The following TAF4B variants were observed in gnomAD, a reference collection of about 807,000 sequenced individuals.
The protein encoded by TAF4B is transcription initiation factor TFIID subunit 4B.
Under a neutral mutation model 86.4 loss-of-function variants are expected in TAF4B, and 38 were observed. The ratio of observed to expected loss-of-function variants is 0.44; its 90% confidence interval spans 0.34 to 0.58. TAF4B has a LOEUF of 0.58. Among genes scored for constraint, TAF4B ranks in the 20% least tolerant of loss-of-function variants. The pLI is 0.02. For synonymous variants in TAF4B, 388 were observed against 391.2 expected (o/e 0.99, Z 0.10); for missense variants, 988 against 1,027.6 (o/e 0.96, Z 0.53).
intron 5 of TAF4B, among the ~76,000 whole-genome samples, chr18:26,275,962 G>C (rs942267248): frequency 1.4e-4 from 21 of 148,572 alleles, no homozygotes; most frequent in African/African-American, 5.0e-4. Flanking sequence ...GTTACAGTAA[G>C]CTGAGATTGC....
chr18:26,268,313 T>G (rs2040283307), intron 3 of TAF4B, among the ~76,000 whole-genome samples: 1 of 152,226 alleles, frequency 6.6e-6, no homozygotes, highest in African/African-American at 2.4e-5. Context: ...TGTTCTGGGA[T>G]TCTCATGGTT....
intron 11 of TAF4B, among the ~76,000 whole-genome samples, chr18:26,323,319 A>G (rs2056977597): frequency 6.6e-6 from 1 of 151,900 alleles, no homozygotes. Context: ...CAGTATTAAA[A>G]TCTTCAACTA....
chr18:26,340,385 G>A (rs747633488), intron 13 of TAF4B, among the ~76,000 whole-genome samples: 1 of 152,174 alleles, frequency 6.6e-6, no homozygotes, highest in African/African-American at 2.4e-5. Context: ...AACTCATGGA[G>A]TACTGGACAG....
At chr18:26,236,755 C>T (rs1040576868) in intron 1 of TAF4B, among the ~76,000 whole-genome samples, 7 of 152,174 alleles carry the variant, frequency 4.6e-5, no homozygotes, top group South Asian at 4.1e-4. Flanking sequence ...TTTTCCTTTT[C>T]GTCCTGTTCC....
At chr18:26,235,427 A>T (rs1382407541) in intron 1 of TAF4B, among the ~76,000 whole-genome samples, 1 of 152,210 alleles carries the variant, frequency 6.6e-6, no homozygotes, top group Admixed American at 6.5e-5. Flanking sequence ...TTGACTTGTT[A>T]TAGGCAGAGC....
At chr18:26,292,782 C>T (rs1359434848) in intron 8 of TAF4B, among the ~76,000 whole-genome samples, 1 of 152,180 alleles carries the variant, frequency 6.6e-6, no homozygotes, top group African/African-American at 2.4e-5. Context: ...CCACCTTGGC[C>T]TCCCAAAGTG....
At chr18:26,256,278 C>G in intron 1 of TAF4B, 1 of 1,481,128 alleles carries the variant, frequency 6.8e-7, no homozygotes, top group South Asian at 1.1e-5. Flanking sequence ...GTCAGTGAAT[C>G]GAGAACTAGA....
intron 7 of TAF4B, among the ~76,000 whole-genome samples, chr18:26,288,078 T>C (rs1372705403): frequency 1.3e-5 from 2 of 152,218 alleles, no homozygotes; most frequent in Non-Finnish European, 2.9e-5. Context: ...ACCACTGGAA[T>C]AGAGGAATTG....
chr18:26,293,562 A>C, intron 9 of TAF4B, 31 bp downstream of exon 9: 1 of 1,451,996 alleles, frequency 6.9e-7, no homozygotes, highest in Non-Finnish European at 9.3e-7. Flanking sequence ...ATTTGGTTTA[A>C]GGAAGTAATT....
rs551888808 is a variant in TAF4B, at chr18:26,337,424, C to CTTT, written c.2316+2208_2316+2210dup. Reference sequence around the variant, plus strand: ...TCTTTTTTCTTTTCTTTCTTTCTTTCTTTTTTTTTTTTTTTTTGAGATGGA... The same window carrying CTTT: ...TCTTTTTTCTTTTCTTTCTTTCTTTCTTTTTTTTTTTTTTTTTTTTGAGATGGA... On this transcript the variant is annotated intron_variant, in intron 13 of 14. Transcript: ENST00000269142. 2.9e-4 allele frequency among the ~76,000 whole-genome samples: 37 copies of CTTT among 126,132 alleles called. 1 individual carries two copies. The highest frequency in any genetic ancestry group is 7.9e-4 in the South Asian group (3 of 3,798). The allele number at this position is 126,132 out of a possible 152,430, so 82.7% of individuals were successfully genotyped here. A position where few individuals can be genotyped will look rare whatever the true frequency, so the allele number is the denominator to read the frequency against.
chr18:26,346,319 TC>T (rs527261462), intron 13 of TAF4B, among the ~76,000 whole-genome samples: 38 of 67,446 alleles, frequency 5.6e-4, no homozygotes, highest in African/African-American at 2.1e-3. Flanking sequence ...AGACCCCCCC[TC>T]CCCCCAAAAA....
At chr18:26,367,175 G>A (rs6508440) in intron 14 of TAF4B, among the ~76,000 whole-genome samples, 63,132 of 152,058 alleles carry the variant, frequency 0.42, 13,918 homozygotes, top group African/African-American at 0.53. Context: ...GTACATGTAT[G>A]TACAGGGATA....
At chr18:26,264,630 A>C (rs190151074) in intron 1 of TAF4B, among the ~76,000 whole-genome samples, 1 of 152,148 alleles carries the variant, frequency 6.6e-6, no homozygotes, top group African/African-American at 2.4e-5. Flanking sequence ...AGTAAGACCT[A>C]ATTGCTGTCT....
Position 26,282,006 on chromosome 18 carries a change from A to C in TAF4B, c.918A>C (p.Lys306Asn). 6.2e-7 allele frequency: 1 copy of C among 1,613,512 alleles called. No homozygotes were observed. The highest frequency in any genetic ancestry group is 8.5e-7 in the Non-Finnish European group (1 of 1,179,754). The change falls in exon 6 of 15, where the codon AAA (lysine) becomes AAC (asparagine). Residue 306 changes from lysine to asparagine, a missense_variant. Lys to Asn is a moderately conservative substitution (Grantham distance 94). This residue lies in a region of TAF4B where 747 missense variants were observed against 737.9 expected (regional missense o/e 1.01). Transcript: ENST00000269142. ...TCGAAGCAGAAGAATTTACTAGGAAACTGTATGTTGAACTCAAGTCTTCAC... is the reference window on the plus strand; with the variant it reads ...TCGAAGCAGAAGAATTTACTAGGAACCTGTATGTTGAACTCAAGTCTTCAC... ...AKIEAEEFTR[K>N]LYVELKSSPQ...
At chr18:26,315,477 T>C in intron 10 of TAF4B, 79 bp downstream of exon 10, 1 of 1,161,244 alleles carries the variant, frequency 8.6e-7, no homozygotes, top group Non-Finnish European at 1.2e-6. Context: ...ACAACCTGGG[T>C]TGGTTGTCCT....
intron 1 of TAF4B, chr18:26,255,563 C>G (rs1287586351): frequency 6.9e-6 from 4 of 582,334 alleles, no homozygotes; most frequent in Non-Finnish European, 8.8e-6. Context: ...GATCACGCCA[C>G]TGCACTCCAG....
intron 14 of TAF4B, among the ~76,000 whole-genome samples, chr18:26,365,002 C>CTT (rs1236686001): frequency 0.016 from 1,744 of 109,170 alleles, 41 homozygotes; most frequent in Middle Eastern, 0.024. Context: ...TAATTCTATT[C>CTT]TTTTTTTTTT....
chr18:26,390,211 A>G lies in TAF4B; in HGVS notation c.*199A>G. ...GACTCAGATTCATCTTTGTCTTCTG[A>G]AAATCAGTTATGAAATACACTTTGC... is the stretch of plus-strand genomic sequence containing the variant. On this transcript the variant is annotated 3_prime_UTR_variant, in exon 15 of 15. Transcript: ENST00000269142. 1 of 520,720 alleles carries G rather than the reference A, an allele frequency of 1.9e-6. No individual in the cohort carries two copies. Among genetic ancestry groups the G allele is most frequent in the Non-Finnish European group, 3.3e-6 (1 of 305,156 alleles). 32.3% of individuals were successfully genotyped at this position (520,720 alleles called of 1,614,324 possible). A position where few individuals can be genotyped will look rare whatever the true frequency, so the allele number is the denominator to read the frequency against.
chr18:26,341,040 G>A (rs1025138267), intron 13 of TAF4B, among the ~76,000 whole-genome samples: 1 of 151,998 alleles, frequency 6.6e-6, no homozygotes, highest in African/African-American at 2.4e-5. Flanking sequence ...TTATTTTGAT[G>A]TGTAGGATCT....
Sources: gnomAD v4.1 joint callset for allele counts (sites outside exome capture counted in the v4.1 genomes callset) on GRCh38, gnomAD v4.1.1 for gene constraint, gnomAD v4.1.1 regional missense constraint, MANE v1.5 for transcripts, NCBI Gene and HGNC (gene_info 2026-07-23, HGNC 2026-07-21) for gene names.